Variants in DISP3 observed in about 807,000 individuals in gnomAD.
DISP3 encodes protein dispatched homolog 3.
DISP3 carries 101 observed loss-of-function variants against 135.3 expected under a neutral mutation model. The observed-to-expected ratio is 0.75, with a 90% CI of 0.64 to 0.88. DISP3 has a LOEUF of 0.88. Ranked by LOEUF, DISP3 falls within the 40% of genes least tolerant of loss-of-function variation. DISP3 has a pLI of 0.00. For synonymous variants in DISP3, 856 were observed against 817.0 expected (o/e 1.05, Z -0.81); for missense variants, 1,713 against 1,878.6 (o/e 0.91, Z 1.63).
chr1:11,515,521 T>C lies in DISP3; in HGVS notation c.1588+18T>C, dbSNP rs1641984924. The C allele has an allele frequency of 6.3e-7, 1 of 1,584,228 alleles. No individual in the cohort carries two copies. Among genetic ancestry groups the C allele is most frequent in the East Asian group, 2.2e-5 (1 of 44,718 alleles). On this transcript the variant is annotated intron_variant, in intron 5 of 20. Transcript: ENST00000294484. ...GGGCATTGGTGAGTCGCCTCTGTTGTCATGGCAGTGCGCCTCCCACATGGG... is the reference window on the plus strand; with the variant it reads ...GGGCATTGGTGAGTCGCCTCTGTTGCCATGGCAGTGCGCCTCCCACATGGG...
At chr1:11,534,263 A>G (rs1280964709) in intron 17 of DISP3, 118 bp from the exon 18 acceptor site, 2 of 1,262,384 alleles carry the variant, frequency 1.6e-6, no homozygotes, top group Non-Finnish European at 2.3e-6. Context: ...CGTTGTTCAC[A>G]CCCTCCCCAA....
Position 11,520,571 on chromosome 1 carries a change from C to T in DISP3, c.2201-116C>T, listed in dbSNP as rs980137973. 8.1e-7 allele frequency: 1 copy of T among 1,240,504 alleles called. No individual in the cohort carries two copies. Among genetic ancestry groups the T allele is most frequent in the Non-Finnish European group, 1.1e-6 (1 of 888,594 alleles). The allele number at this position is 1,240,504 out of a possible 1,614,324, so 76.8% of individuals were successfully genotyped here. A position where few individuals can be genotyped will look rare whatever the true frequency, so the allele number is the denominator to read the frequency against. On this transcript the variant is annotated intron_variant, in intron 9 of 20. Transcript: ENST00000294484. The surrounding 1 kb of genome is among the most constrained non-coding windows in gnomAD (Gnocchi z 4.8). ...TGGCATGCAGGGCCTTCCCCCGCAC[C>T]CTTAGGACACCCGCCCCCCAACAAC... is the stretch of plus-strand genomic sequence containing the variant.
In DISP3 at chr1:11,491,038, G is replaced by T. The variant is rs1249890066; in HGVS notation, c.-3-9952G>T. Among the ~76,000 whole-genome samples the T allele has an allele frequency of 6.6e-6, 1 of 152,120 alleles. No individual in the cohort carries two copies. ...TGTGCTGTTTGTATCCCCCTGTCTG[G>T]CTGGCCCAAATGCCATCATTTCTTC... On this transcript the variant is annotated intron_variant, in intron 1 of 20. Coordinates refer to ENST00000294484, the MANE Select transcript of DISP3 (RefSeq NM_020780.2). The surrounding 1 kb of genome is among the most constrained non-coding windows in gnomAD (Gnocchi z 4.3).
At position 11,529,608 on chromosome 1, in the gene DISP3, A is replaced by C. The variant is rs755746206; in HGVS notation, c.2851A>C (p.Met951Leu). Residue 951 changes from methionine to leucine, a missense_variant, in exon 14 of 21, where the codon ATG becomes CTG. Physicochemically the swap from Met to Leu is conservative, Grantham distance 15. This residue lies in a region of DISP3 where 1,142 missense variants were observed against 1,384.6 expected (regional missense o/e 0.82). Transcript: ENST00000294484. The surrounding 1 kb of genome is among the most constrained non-coding windows in gnomAD (Gnocchi z 4.7). Reference sequence around the variant, plus strand: ...GCCCCCCTTCCACGGGCGCGTATGCATGGCACCCCCTGGCTGCCTGCTTAG... The same window carrying C: ...GCCCCCCTTCCACGGGCGCGTATGCCTGGCACCCCCTGGCTGCCTGCTTAG... ...HKPPFHGRVC[M>L]APPGCLLSSS... is the part of the protein sequence containing the mutation. The C allele has an allele frequency of 1.2e-6, 2 of 1,607,626 alleles. No individual in the cohort carries two copies. The highest frequency in any genetic ancestry group is 2.7e-5 in the African/African-American group (2 of 74,774).
intron 3 of DISP3, among the ~76,000 whole-genome samples, chr1:11,512,243 T>C (rs531268225): frequency 6.6e-6 from 1 of 152,248 alleles, no homozygotes; most frequent in African/African-American, 2.4e-5. Context: ...CTTGAATTTC[T>C]CCCCAGAAAA....
Position 11,529,933 on chromosome 1 carries a change from G to C in DISP3, c.3076G>C (p.Val1026Leu). ...GIIGVNRTRQ[V>L]DNHVIGDPGS... is the part of the protein sequence containing the mutation. ...TATTGGCGTCAACCGCACTCGGCAG[G>C]TGGACAACCACGTCATTGGAGACCC... Residue 1026 changes from valine to leucine, a missense_variant, in exon 15 of 21, where the codon GTG (valine) becomes CTG (leucine). This residue lies in a region of DISP3 where 1,142 missense variants were observed against 1,384.6 expected (regional missense o/e 0.82). Transcript: ENST00000294484. This position sits in a 1 kb window ranked among gnomAD's most constrained non-coding sequence, Gnocchi z 4.7. 1 of 1,613,614 alleles carries C rather than the reference G, an allele frequency of 6.2e-7. No homozygotes were observed.
chr1:11,500,892 A>G, intron 1 of DISP3, 98 bp from the exon 2 acceptor site: 1 of 1,340,078 alleles, frequency 7.5e-7, no homozygotes, highest in Non-Finnish European at 1.0e-6. Flanking sequence ...TTTGGTTATG[A>G]GTGGACAGGG....
In DISP3 at chr1:11,491,580, C is replaced by T. The variant is rs184619132; in HGVS notation, c.-3-9410C>T. On this transcript the variant is annotated intron_variant, in intron 1 of 20. Transcript: ENST00000294484. The surrounding 1 kb of genome is among the most constrained non-coding windows in gnomAD (Gnocchi z 4.3). ...GAACCATCATAGTGTCACTGCACTC[C>T]AGCCTGGGTGACAGAGTGAGATCCC... is the stretch of plus-strand genomic sequence containing the variant. 6.6e-6 allele frequency among the ~76,000 whole-genome samples: 1 copy of T among 152,194 alleles called. No individual in the cohort carries two copies. The highest frequency in any genetic ancestry group is 2.4e-5 in the African/African-American group (1 of 41,540).
At position 11,526,807 on chromosome 1, in the gene DISP3, G is replaced by T; in HGVS notation, c.2770G>T (p.Val924Leu). 1 of 1,609,088 alleles carries T rather than the reference G, an allele frequency of 6.2e-7. No individual in the cohort carries two copies. Among genetic ancestry groups the T allele is most frequent in the Non-Finnish European group, 8.5e-7 (1 of 1,179,806 alleles). Reference sequence around the variant, plus strand: ...CTGGAAGTTTGACTTCAGCTTCTACGTGGCCACCAAGGAGCAGCAGCACAC... The same window carrying T: ...CTGGAAGTTTGACTTCAGCTTCTACTTGGCCACCAAGGAGCAGCAGCACAC... The part of the protein sequence containing the change: ...RGWKFDFSFY[V>L]ATKEQQHTRK... Residue 924 changes from valine (V) to leucine (L), a missense_variant, in exon 13 of 21, where the codon GTG becomes TTG. Physicochemically the swap from Val to Leu is conservative, Grantham distance 32. Around this residue, in one of 2 missense-constraint regions of DISP3, gnomAD observed 1,142 missense variants for 1,384.6 expected, o/e 0.82. Coordinates refer to ENST00000294484, the MANE Select transcript of DISP3 (RefSeq NM_020780.2).
intron 12 of DISP3, 55 bp downstream of exon 12, chr1:11,525,367 C>T: frequency 1.3e-6 from 2 of 1,576,308 alleles, no homozygotes; most frequent in East Asian, 2.3e-5. Flanking sequence ...GTGGGGGGCT[C>T]TCAGGGCCAC....
chr1:11,514,585 G>C (rs978462629), intron 4 of DISP3, 59 bp downstream of exon 4: 24 of 1,559,652 alleles, frequency 1.5e-5, no homozygotes, highest in Non-Finnish European at 2.0e-5. Context: ...TGTCTGCCCA[G>C]AGCCTGCCTT....
rs1470679515 is a variant in DISP3 at position 11,531,893 on chromosome 1, G to A, written c.3375+183G>A. ...GAGTGTGAAACCAGACCGCCTAACT[G>A]CAGAGCTCTGCCCTTTCTTCCCCAT... On this transcript the variant is annotated intron_variant, in intron 17 of 20. Coordinates refer to ENST00000294484, the MANE Select transcript of DISP3 (RefSeq NM_020780.2). This position sits in a 1 kb window ranked among gnomAD's most constrained non-coding sequence, Gnocchi z 5.2. Among the ~76,000 whole-genome samples the A allele has an allele frequency of 1.3e-5, 2 of 152,238 alleles. No homozygotes were observed. The highest frequency in any genetic ancestry group is 2.9e-5 in the Non-Finnish European group (2 of 68,038).
At chr1:11,522,585 A>G (rs61773864) in intron 10 of DISP3, among the ~76,000 whole-genome samples, 7,657 of 88,122 alleles carry the variant, frequency 0.087, 325 homozygotes, top group East Asian at 0.27. Context: ...CCCAGCCAAG[A>G]CCCAGCCAGG....
rs201892920 is a variant in DISP3, at chr1:11,530,937, C to T, written c.3133C>T (p.Leu1045Phe). ...TGTTGTCTACGACAGCAGCTTTGAC[C>T]TCTTCAAGGAAATTGGGCACCTGTG... Reference protein sequence around the residue: ...GSVVYDSSFDLFKEIGHLCHL... With the variant: ...GSVVYDSSFDFFKEIGHLCHL... Residue 1045 changes from leucine (L) to phenylalanine (F), a missense_variant, in exon 16 of 21, where the codon CTC (leucine) becomes TTC (phenylalanine). Physicochemically the swap from Leu to Phe is conservative, Grantham distance 22. Coordinates refer to ENST00000294484, the MANE Select transcript of DISP3 (RefSeq NM_020780.2). 124 of 1,613,918 alleles carry T rather than the reference C, an allele frequency of 7.7e-5. No individual in the cohort carries two copies. Among genetic ancestry groups the T allele is most frequent in the Non-Finnish European group, 9.7e-5 (115 of 1,179,996 alleles).
intron 3 of DISP3, among the ~76,000 whole-genome samples, chr1:11,509,733 C>A (rs1641805671): frequency 1.3e-5 from 2 of 152,104 alleles, no homozygotes; most frequent in Admixed American, 6.5e-5. Flanking sequence ...CATGGTATAT[C>A]ATTTTCTATC....
chr1:11,526,929 C>T, intron 13 of DISP3, 94 bp downstream of exon 13: 2 of 1,377,872 alleles, frequency 1.5e-6, no homozygotes, highest in Non-Finnish European at 1.9e-6. Flanking sequence ...TGAGGGATGC[C>T]AGCAGGCCCC....
Position 11,483,147 on chromosome 1 carries a change from G to T in DISP3, c.-4+3775G>T, listed in dbSNP as rs1043940376. On this transcript the variant is annotated intron_variant, in intron 1 of 20. Coordinates refer to ENST00000294484, the MANE Select transcript of DISP3 (RefSeq NM_020780.2). This position sits in a 1 kb window ranked among gnomAD's most constrained non-coding sequence, Gnocchi z 5.4. ...CAGTGAGCTCACTCTCTGCCTGGCC[G>T]CTGGGAGACCAGACAGCCGCACTCC... Among the ~76,000 whole-genome samples, 1 of 152,244 alleles carries T rather than the reference G, an allele frequency of 6.6e-6. No homozygotes were observed. The highest frequency in any genetic ancestry group is 1.5e-5 in the Non-Finnish European group (1 of 68,042).
At chr1:11,484,194 A>T (rs141005603) in intron 1 of DISP3, among the ~76,000 whole-genome samples, 10 of 152,254 alleles carry the variant, frequency 6.6e-5, no homozygotes, top group Admixed American at 2.0e-4. Context: ...AATCCCCATA[A>T]CCACTCAAGA....
intron 13 of DISP3, among the ~76,000 whole-genome samples, chr1:11,528,935 G>C (rs1465991271): frequency 6.6e-6 from 1 of 152,230 alleles, no homozygotes. Context: ...TCCAGCCTGG[G>C]ACCCTGACTC....
Sources: allele counts gnomAD v4.1 joint callset (sites outside exome capture counted in the v4.1 genomes callset), GRCh38; gene constraint gnomAD v4.1.1; regional missense constraint gnomAD v4.1.1; non-coding constraint Gnocchi (gnomAD v3.1); transcripts MANE v1.5; gene names NCBI Gene and HGNC (gene_info 2026-07-23, HGNC 2026-07-21).